Variants in PXK observed in about 807,000 individuals in gnomAD.
PXK encodes the protein PX domain containing serine/threonine kinase like.
In PXK, 35 loss-of-function variants were observed where a neutral mutation model predicts 84.7. The ratio of observed to expected loss-of-function variants is 0.41; its 90% CI spans 0.32 to 0.55. The LOEUF (loss-of-function observed/expected upper bound fraction) is 0.55. Ranked by LOEUF, PXK falls within the 20% of genes least tolerant of loss-of-function variation. PXK has a pLI of 0.21. For synonymous variants in PXK, 253 were observed against 260.8 expected, an observed-to-expected ratio of 0.97 and a Z score of 0.29; for missense variants, 634 against 699.7, an observed-to-expected ratio of 0.91 and a Z score of 1.06.
In PXK at chr3:58,421,220, C is replaced by G; in HGVS notation, c.1529-3532C>G. On this transcript the variant is annotated intron_variant, in intron 17 of 17. Coordinates refer to ENST00000356151, the MANE Select transcript of PXK (RefSeq NM_017771.5). The surrounding 1 kb of genome is among the most constrained non-coding windows in gnomAD (Gnocchi z 5.5). The stretch of plus-strand genomic sequence containing the variant: ...TGGCCTCCCTTCCTGTATGTGACCA[C>G]AAAGGAGCTCAGAATTAGAGAGACT... 1 of 985,342 alleles carries G rather than the reference C, an allele frequency of 1.0e-6. No individual in the cohort carries two copies. 61.0% of individuals were successfully genotyped at this position (985,342 alleles called of 1,614,324 possible). A position where few individuals can be genotyped will look rare whatever the true frequency, so the allele number is the denominator to read the frequency against.
At chr3:58,366,447 T>G (rs2098273419) in intron 2 of PXK, among the ~76,000 whole-genome samples, 2 of 152,248 alleles carry the variant, frequency 1.3e-5, no homozygotes, top group South Asian at 4.1e-4. Flanking sequence ...AAAGAATTCC[T>G]GGACAGATCG....
intron 3 of PXK, among the ~76,000 whole-genome samples, chr3:58,381,927 C>T (rs925698157): frequency 1.3e-5 from 2 of 151,904 alleles, no homozygotes; most frequent in South Asian, 4.2e-4. Context: ...CATGGGACTG[C>T]CAGTAATAAT....
intron 3 of PXK, among the ~76,000 whole-genome samples, chr3:58,378,891 A>G (rs1398109817): frequency 1.3e-5 from 2 of 151,494 alleles, no homozygotes; most frequent in African/African-American, 2.4e-5. Context: ...AGATATTAGC[A>G]TATATATTTT....
chr3:58,394,610 G>A (rs1057488747), intron 7 of PXK, among the ~76,000 whole-genome samples: 1 of 152,132 alleles, frequency 6.6e-6, no homozygotes, highest in Non-Finnish European at 1.5e-5. Flanking sequence ...CTGAGATTTG[G>A]CTGTATTCTT....
chr3:58,407,212 CCAA>C lies in PXK; in HGVS notation c.1231-1709_1231-1707del, dbSNP rs2059533758. On this transcript the variant is annotated intron_variant, in intron 13 of 17. Coordinates refer to ENST00000356151, the MANE Select transcript of PXK (RefSeq NM_017771.5). The surrounding 1 kb of genome is among the most constrained non-coding windows in gnomAD (Gnocchi z 4.3). Reference sequence around the variant, plus strand: ...GGGCTTCAGTTTCTCCACATTCTCACCAACATTTATTTTATTATTTTAATAGTG... The same window carrying C: ...GGGCTTCAGTTTCTCCACATTCTCACCATTTATTTTATTATTTTAATAGTG... Among the ~76,000 whole-genome samples the C allele has an allele frequency of 6.6e-6, 1 of 152,190 alleles. No homozygotes were observed. The highest frequency in any genetic ancestry group is 1.9e-4 in the East Asian group (1 of 5,196).
chr3:58,340,400 A>G (rs1229438511), intron 1 of PXK, among the ~76,000 whole-genome samples: 7 of 150,846 alleles, frequency 4.6e-5, no homozygotes, highest in East Asian at 2.1e-4. Flanking sequence ...TGGGATTACA[A>G]GTGTGAGCCA....
rs770247155 is a variant in PXK, at chr3:58,421,842, C to T, written c.1529-2910C>T. ...TGGGAGAAATCGGGACTGACCTGGT[C>T]GTAACTGAAGGTAAGCTGTTTGCAG... On this transcript the variant is annotated intron_variant, in intron 17 of 17. Transcript: ENST00000356151. This position sits in a 1 kb window ranked among gnomAD's most constrained non-coding sequence, Gnocchi z 5.5. 6.1e-6 allele frequency: 6 copies of T among 985,234 alleles called. No homozygotes were observed. Among genetic ancestry groups the T allele is most frequent in the East Asian group, 1.1e-4 (1 of 8,810 alleles). 61.0% of individuals were successfully genotyped at this position (985,234 alleles called of 1,614,324 possible). A position where few individuals can be genotyped will look rare whatever the true frequency, so the allele number is the denominator to read the frequency against.
In PXK at chr3:58,397,981, G is replaced by A. The variant is rs1379619220; in HGVS notation, c.1102+259G>A. ...AAATGCTTTAGAGCTTTGGAAGCAGGAGGATGTAAAGAGAAGTATGGCCTG... is the reference window on the plus strand; with the variant it reads ...AAATGCTTTAGAGCTTTGGAAGCAGAAGGATGTAAAGAGAAGTATGGCCTG... On this transcript the variant is annotated intron_variant, in intron 11 of 17. Transcript: ENST00000356151. The surrounding 1 kb of genome is among the most constrained non-coding windows in gnomAD (Gnocchi z 4.7). Among the ~76,000 whole-genome samples the A allele has an allele frequency of 6.6e-6, 1 of 152,218 alleles. No individual in the cohort carries two copies. The highest frequency in any genetic ancestry group is 1.5e-5 in the Non-Finnish European group (1 of 68,042).
intron 3 of PXK, among the ~76,000 whole-genome samples, chr3:58,369,679 C>G (rs1470371730): frequency 6.6e-6 from 1 of 152,062 alleles, no homozygotes; most frequent in Non-Finnish European, 1.5e-5. Context: ...ACAAAATTAG[C>G]CAGGCGTGGT....
intron 4 of PXK, among the ~76,000 whole-genome samples, chr3:58,388,599 C>T (rs1252671278): frequency 1.3e-5 from 2 of 152,152 alleles, no homozygotes; most frequent in Non-Finnish European, 2.9e-5. Flanking sequence ...CCAGATCTTC[C>T]AGATGGTTTG....
At chr3:58,392,536 CAT>C (rs1486181428) in intron 7 of PXK, among the ~76,000 whole-genome samples, 3 of 152,112 alleles carry the variant, frequency 2.0e-5, no homozygotes, top group African/African-American at 7.2e-5. Context: ...TATTTTTGGC[CAT>C]ATAGTGTCTT....
rs768192089 is a variant in PXK, at chr3:58,424,833, C to G, written c.1610C>G (p.Ala537Gly). 1 of 1,614,244 alleles carries G rather than the reference C, an allele frequency of 6.2e-7. No individual in the cohort carries two copies. The highest frequency in any genetic ancestry group is 8.5e-7 in the Non-Finnish European group (1 of 1,180,034). ...CCTCCTGCGAGCACCGAGGCACCTG[C>G]CCAGCTCTCGTCTCAGGCTGTGAAT... ...PLPPASTEAPAQLSSQAVNGM... is the reference protein window; with the variant it reads ...PLPPASTEAPGQLSSQAVNGM... Residue 537 changes from alanine (A) to glycine (G), a missense_variant, in exon 18 of 18, where the codon GCC becomes GGC. Physicochemically the swap from Ala to Gly is moderately conservative, Grantham distance 60 (BLOSUM62 0). Transcript: ENST00000356151.
intron 6 of PXK, 37 bp from the exon 7 acceptor site, chr3:58,391,736 C>A: frequency 6.4e-7 from 1 of 1,571,284 alleles, no homozygotes; most frequent in South Asian, 1.1e-5. Context: ...TTTTGGTGAC[C>A]AAAACAGTAC....
In PXK at chr3:58,365,931, A is replaced by ATAT; in HGVS notation, c.153+8_153+9insATT. ...TGTGGAAAACAGCTGGCAGGTAAGC[A>ATAT]TCTTTTTTTTTTTTTTTGTCAATTA... On this transcript the variant is annotated splice_region_variant and intron_variant, in intron 2 of 17. Coordinates refer to ENST00000356151, the MANE Select transcript of PXK (RefSeq NM_017771.5). 2.7e-6 allele frequency: 4 copies of ATAT among 1,492,530 alleles called. No individual in the cohort carries two copies. The highest frequency in any genetic ancestry group is 2.7e-6 in the Non-Finnish European group (3 of 1,124,854). 92.5% of individuals were successfully genotyped at this position (1,492,530 alleles called of 1,614,324 possible).
rs1559933102 is a variant in PXK, at chr3:58,364,100, G to A, written c.103-1774G>A. ...CTAGAATGAGACCCACTTGGTCATGGTATATAATTCTTTTTATAAATTGCT... is the reference window on the plus strand; with the variant it reads ...CTAGAATGAGACCCACTTGGTCATGATATATAATTCTTTTTATAAATTGCT... On this transcript the variant is annotated intron_variant, in intron 1 of 17. Transcript: ENST00000356151. This position sits in a 1 kb window ranked among gnomAD's most constrained non-coding sequence, Gnocchi z 4.3. 6.6e-6 allele frequency among the ~76,000 whole-genome samples: 1 copy of A among 152,062 alleles called. No individual in the cohort carries two copies. Among genetic ancestry groups the A allele is most frequent in the Admixed American group, 6.6e-5 (1 of 15,266 alleles).
intron 2 of PXK, 85 bp downstream of exon 2, chr3:58,366,009 T>TG (rs1310182300): frequency 6.8e-6 from 8 of 1,176,272 alleles, no homozygotes; most frequent in Non-Finnish European, 9.6e-6. Context: ...TCTGAAAGTC[T>TG]GGAAAAATCA....
At chr3:58,402,918 T>C (rs2107374845) in intron 12 of PXK, among the ~76,000 whole-genome samples, 1 of 152,180 alleles carries the variant, frequency 6.6e-6, no homozygotes, top group East Asian at 1.9e-4. Flanking sequence ...TTAAGCCCAG[T>C]ACGCAATATT....
chr3:58,405,161 C>T (rs2107460437), intron 13 of PXK, among the ~76,000 whole-genome samples: 1 of 152,314 alleles, frequency 6.6e-6, no homozygotes, highest in Middle Eastern at 3.4e-3. Context: ...GAAAGATATA[C>T]AGGAGACTGG....
intron 1 of PXK, among the ~76,000 whole-genome samples, chr3:58,342,951 TGCTGTCGC>T (rs2097763165): frequency 4.6e-5 from 7 of 152,226 alleles, no homozygotes; most frequent in Non-Finnish European, 1.0e-4. Context: ...CGGCTCTGCC[TGCTGTCGC>T]AGCACCTCTT....
Sources: allele counts gnomAD v4.1 joint callset (sites outside exome capture counted in the v4.1 genomes callset), GRCh38; gene constraint gnomAD v4.1.1; non-coding constraint Gnocchi (gnomAD v3.1); transcripts MANE v1.5; gene names NCBI Gene and HGNC (gene_info 2026-07-23, HGNC 2026-07-21).